The following TCF12 variants were observed in gnomAD, a reference collection of about 807,000 sequenced individuals.
TCF12 encodes the protein DNA-binding protein HTF4.
Under a neutral mutation model 86.0 loss-of-function variants are expected in TCF12, and 45 were observed. The observed-to-expected ratio is 0.52, with a 90% CI of 0.41 to 0.67. TCF12 has a LOEUF of 0.67. TCF12 is among the 30% of genes least tolerant of loss of function. The probability of loss-of-function intolerance (pLI) is 0.00; values close to 1 mark genes in which losing one functional copy is unlikely to be tolerated. For missense variants in TCF12, 881 were observed against 859.9 expected, an observed-to-expected ratio of 1.02 and a Z score of -0.31; for synonymous variants, 330 against 299.6, an observed-to-expected ratio of 1.10 and a Z score of -1.05.
intron 5 of TCF12, among the ~76,000 whole-genome samples, chr15:57,133,120 A>G (rs2052261664): frequency 6.6e-6 from 1 of 152,182 alleles, no homozygotes; most frequent in Admixed American, 6.5e-5. Flanking sequence ...CCTTTGTTTC[A>G]TACTATTGTT....
chr15:57,243,350 A>G lies in TCF12; in HGVS notation c.1036-122A>G, dbSNP rs1366405859. On this transcript the variant is annotated intron_variant, in intron 12 of 20. Coordinates refer to ENST00000333725, the MANE Select transcript of TCF12 (RefSeq NM_207037.2). ...GAAACAGTCTAAAACTTGACAAGAAATTTTTTCACTCTGAAGTCTTAGGGG... is the reference window on the plus strand; with the variant it reads ...GAAACAGTCTAAAACTTGACAAGAAGTTTTTTCACTCTGAAGTCTTAGGGG... 4.0e-6 allele frequency: 3 copies of G among 749,968 alleles called. No homozygotes were observed. The African/African-American group carries it at 5.3e-5, about 13-fold the overall frequency. 46.5% of individuals were successfully genotyped at this position (749,968 alleles called of 1,614,324 possible). A position where few individuals can be genotyped will look rare whatever the true frequency, so the allele number is the denominator to read the frequency against.
chr15:56,955,980 T>G (rs1317458492), intron 3 of TCF12, among the ~76,000 whole-genome samples: 1 of 152,162 alleles, frequency 6.6e-6, no homozygotes, highest in African/African-American at 2.4e-5. Flanking sequence ...TTTATCATTA[T>G]AAAATGACCC....
intron 6 of TCF12, among the ~76,000 whole-genome samples, chr15:57,188,712 T>C (rs1482850518): frequency 6.6e-6 from 1 of 152,204 alleles, no homozygotes; most frequent in African/African-American, 2.4e-5. Flanking sequence ...CTTCAATATA[T>C]GGGACTGGGA....
chr15:57,032,613 T>C (rs557402026), intron 3 of TCF12, among the ~76,000 whole-genome samples: 1 of 152,142 alleles, frequency 6.6e-6, no homozygotes, highest in East Asian at 1.9e-4. Context: ...CCTGGCTAAT[T>C]TTAAAATTTT....
At chr15:57,264,195 CTTT>C (rs770642915) in intron 18 of TCF12, among the ~76,000 whole-genome samples, 45 of 50,694 alleles carry the variant, frequency 8.9e-4, no homozygotes, top group South Asian at 8.9e-3. Flanking sequence ...CTTTTGTAAG[CTTT>C]TTTTTTTTTT....
chr15:57,247,151 C>G, intron 13 of TCF12: 1 of 557,750 alleles, frequency 1.8e-6, no homozygotes. Flanking sequence ...TCCACCGTCA[C>G]TCCACCACCA....
chr15:57,063,942 G>A, intron 4 of TCF12, 119 bp downstream of exon 4: 1 of 783,392 alleles, frequency 1.3e-6, no homozygotes, highest in Non-Finnish European at 2.1e-6. Flanking sequence ...AAATGCAGTA[G>A]AATACCTAGT....
intron 6 of TCF12, among the ~76,000 whole-genome samples, chr15:57,169,017 A>C (rs530215489): frequency 6.6e-6 from 1 of 152,236 alleles, no homozygotes; most frequent in African/African-American, 2.4e-5. Flanking sequence ...TTGCACTCCA[A>C]TCTGGGCAAC....
chr15:57,211,966 G>A (rs925874310), intron 8 of TCF12, among the ~76,000 whole-genome samples: 6 of 141,012 alleles, frequency 4.3e-5, no homozygotes, highest in East Asian at 2.1e-4. Flanking sequence ...ACACACACAC[G>A]CACACACACA....
chr15:56,998,322 TAGCACGTGGTTGTAGTCCC>T (rs1239344271), intron 3 of TCF12, among the ~76,000 whole-genome samples: 141 of 152,146 alleles, frequency 9.3e-4, no homozygotes, highest in Non-Finnish European at 4.0e-4. Flanking sequence ...TTGGGTGTGG[TAGCACGTGGTTGTAGTCCC>T]AGCTACTAGG....
intron 6 of TCF12, among the ~76,000 whole-genome samples, chr15:57,178,022 G>C (rs147126018): frequency 0.022 from 3,343 of 152,230 alleles, 55 homozygotes; most frequent in Non-Finnish European, 0.031. Context: ...CAGAAAGTCC[G>C]TTTATTCTTT....
chr15:57,201,817 C>G, intron 8 of TCF12, among the ~76,000 whole-genome samples: 1 of 152,236 alleles, frequency 6.6e-6, no homozygotes, highest in Middle Eastern at 3.4e-3. Flanking sequence ...TAACTGCCAA[C>G]TCTTGTCTTT....
intron 3 of TCF12, among the ~76,000 whole-genome samples, chr15:57,016,305 G>A (rs754130874): frequency 2.6e-5 from 4 of 152,218 alleles, no homozygotes; most frequent in Non-Finnish European, 5.9e-5. Flanking sequence ...TAGATTCTGT[G>A]TAATTGCCAA....
At chr15:57,260,961 G>C (rs1047206391) in intron 16 of TCF12, among the ~76,000 whole-genome samples, 6 of 152,066 alleles carry the variant, frequency 3.9e-5, no homozygotes, top group Admixed American at 6.6e-5. Context: ...TTTTTTAGGG[G>C]AACAACCAAA....
chr15:57,113,942 T>TGA (rs1283325894), intron 5 of TCF12, among the ~76,000 whole-genome samples: 5 of 151,574 alleles, frequency 3.3e-5, no homozygotes, highest in East Asian at 3.9e-4. Context: ...GGTGACAGAG[T>TGA]GAGACCCTGT....
At chr15:57,266,732 C>T (rs1162642025) in intron 18 of TCF12, among the ~76,000 whole-genome samples, 1 of 150,476 alleles carries the variant, frequency 6.6e-6, no homozygotes, top group African/African-American at 2.4e-5. Context: ...TCTTCCAGTT[C>T]TACATTAAAA....
intron 5 of TCF12, among the ~76,000 whole-genome samples, chr15:57,115,153 T>C (rs1218984634): frequency 6.6e-6 from 1 of 152,206 alleles, no homozygotes; most frequent in Non-Finnish European, 1.5e-5. Flanking sequence ...GGATAGATAA[T>C]GGTTATCCAC....
chr15:57,215,075 A>G (rs1334769183), intron 8 of TCF12, among the ~76,000 whole-genome samples: 2 of 152,194 alleles, frequency 1.3e-5, no homozygotes, highest in African/African-American at 4.8e-5. Flanking sequence ...TTGCAGAAGT[A>G]AATTTTCTAA....
At chr15:57,010,167 T>TA (rs1205923936) in intron 3 of TCF12, among the ~76,000 whole-genome samples, 1 of 151,992 alleles carries the variant, frequency 6.6e-6, no homozygotes, top group Non-Finnish European at 1.5e-5. Context: ...CCCTTTTTTT[T>TA]AAAAAAACTC....
Sources: gnomAD v4.1 joint callset for allele counts (sites outside exome capture counted in the v4.1 genomes callset) on GRCh38, gnomAD v4.1.1 for gene constraint, MANE v1.5 for transcripts, NCBI Gene and HGNC (gene_info 2026-07-23, HGNC 2026-07-21) for gene names.